Variants in INTS9 observed in about 807,000 individuals in gnomAD.
INTS9 encodes the protein protein related to CPSF subunits of 74 kDa.
INTS9 carries 55 observed loss-of-function variants against 79.7 expected under a neutral mutation model. That is an observed-to-expected ratio of 0.69 (90% CI 0.56 to 0.86). INTS9 has a LOEUF of 0.86. Among genes scored for constraint, INTS9 ranks in the 40% least tolerant of loss-of-function variants. The probability of loss-of-function intolerance (pLI) is 0.00; values close to 1 mark genes in which losing one functional copy is unlikely to be tolerated. For missense variants in INTS9, 721 were observed against 831.5 expected, an observed-to-expected ratio of 0.87 and a Z score of 1.64; for synonymous variants, 319 against 325.2, an observed-to-expected ratio of 0.98 and a Z score of 0.20.
intron 6 of INTS9, among the ~76,000 whole-genome samples, chr8:28,832,382 A>G (rs1448549442): frequency 1.3e-5 from 2 of 152,222 alleles, no homozygotes; most frequent in African/African-American, 4.8e-5. Context: ...CACACCATAC[A>G]TCCCCAAACA....
rs538756973 is a variant in INTS9 at position 28,866,492 on chromosome 8, C to T, written c.10-6929G>A. ...CACTGGCCCAAGCTCCTTGCAGAGA[C>T]GAGCTTCCTTACAGACCCCAGGGGC... is the stretch of plus-strand genomic sequence containing the variant. On this transcript the variant is annotated intron_variant, in intron 1 of 16. Coordinates refer to ENST00000521022, the MANE Select transcript of INTS9 (RefSeq NM_018250.4). Among the ~76,000 whole-genome samples the T allele has an allele frequency of 2.0e-3, 309 of 152,274 alleles. 3 individuals are homozygous for T. Among genetic ancestry groups the T allele is most frequent in the African/African-American group, 7.0e-3 (291 of 41,552 alleles).
At chr8:28,772,783 G>A (rs1802622938) in intron 14 of INTS9, among the ~76,000 whole-genome samples, 1 of 151,732 alleles carries the variant, frequency 6.6e-6, no homozygotes, top group Admixed American at 6.6e-5. Context: ...CTTCAGCCTG[G>A]GCAACACAGC....
intron 1 of INTS9, among the ~76,000 whole-genome samples, chr8:28,881,353 G>A (rs1489732316): frequency 2.4e-5 from 3 of 126,392 alleles, no homozygotes; most frequent in East Asian, 2.5e-4. Flanking sequence ...GGTGAGGGGC[G>A]CCTCTGCCCG....
In INTS9 at chr8:28,767,940, C is replaced by T. The variant is rs1454927992; in HGVS notation, c.*206G>A. ...GAGCCAGAGTTGAGAAGAAAATGAG[C>T]CTGAAGTTGAAAGGGAAAGTTCTTG... On this transcript the variant is annotated 3_prime_UTR_variant, in exon 17 of 17. Coordinates refer to ENST00000521022, the MANE Select transcript of INTS9 (RefSeq NM_018250.4). 2.3e-5 allele frequency: 13 copies of T among 575,428 alleles called. No homozygotes were observed. In the East Asian group the frequency reaches 3.6e-4, roughly 16 times the overall value. The allele number at this position is 575,428 out of a possible 1,614,324, so 35.6% of individuals were successfully genotyped here.
intron 4 of INTS9, among the ~76,000 whole-genome samples, chr8:28,845,578 T>C (rs1308196585): frequency 6.6e-6 from 1 of 152,152 alleles, no homozygotes; most frequent in Non-Finnish European, 1.5e-5. Context: ...TACAGTGGTG[T>C]CCATAAATGG....
intron 10 of INTS9, among the ~76,000 whole-genome samples, chr8:28,788,397 G>C (rs1349837056): frequency 6.6e-6 from 1 of 152,174 alleles, no homozygotes; most frequent in Non-Finnish European, 1.5e-5. Flanking sequence ...TCTACACCTT[G>C]AGACATGGCT....
chr8:28,820,588 T>A (rs1805774639), intron 6 of INTS9, among the ~76,000 whole-genome samples: 1 of 152,220 alleles, frequency 6.6e-6, no homozygotes, highest in South Asian at 2.1e-4. Flanking sequence ...ATTTGAACTT[T>A]GGTGAATCTG....
intron 16 of INTS9, 119 bp downstream of exon 16, chr8:28,769,770 G>T: frequency 7.5e-7 from 1 of 1,324,992 alleles, no homozygotes. Context: ...AGATGCCACA[G>T]GACAGTGGGG....
rs1185167216 is a variant in INTS9 at position 28,768,174 on chromosome 8, A to G, written c.1949T>C (p.Leu650Pro). The G allele has an allele frequency of 3.1e-6, 5 of 1,614,054 alleles. No homozygotes were observed. The African/African-American group carries it at 4.0e-5, about 13-fold the overall frequency. The change falls in exon 17 of 17, where the codon CTT becomes CCT. Residue 650 changes from leucine (L) to proline (P), a missense_variant. Physicochemically the swap from Leu to Pro is moderately conservative, Grantham distance 98 (BLOSUM62 -3). This residue lies in a region of INTS9 where 281 missense variants were observed against 300.8 expected (regional missense o/e 0.93). Coordinates refer to ENST00000521022, the MANE Select transcript of INTS9 (RefSeq NM_018250.4). ...GAACTTCTGTAAGAATTTGAGGACA[A>G]GGTCCCGCAGTCGCACTCTGAGCAT... ...DEMLRVRLRD[L>P]VLKFLQKF
At chr8:28,779,512 C>G (rs1258048758) in intron 12 of INTS9, among the ~76,000 whole-genome samples, 1 of 152,142 alleles carries the variant, frequency 6.6e-6, no homozygotes, top group East Asian at 1.9e-4. Flanking sequence ...ACAGAACTTT[C>G]CTGACCACAG....
intron 10 of INTS9, among the ~76,000 whole-genome samples, chr8:28,792,367 A>T (rs758515459): frequency 5.9e-5 from 9 of 152,154 alleles, no homozygotes; most frequent in Non-Finnish European, 8.8e-5. Context: ...AAACTGAAAG[A>T]AAGTATGTTT....
chr8:28,883,063 C>CGG (rs1334449395), intron 1 of INTS9, among the ~76,000 whole-genome samples: 2 of 152,202 alleles, frequency 1.3e-5, no homozygotes, highest in Non-Finnish European at 2.9e-5. Flanking sequence ...GCACGTACCC[C>CGG]TTTCTTAGCC....
At chr8:28,849,358 G>A (rs1807698738) in intron 3 of INTS9, among the ~76,000 whole-genome samples, 1 of 152,110 alleles carries the variant, frequency 6.6e-6, no homozygotes. Context: ...TCCGAGGAAG[G>A]AATTACTGAG....
intron 1 of INTS9, 160 bp downstream of exon 1, chr8:28,889,714 T>A (rs1475890976): frequency 2.8e-6 from 2 of 717,054 alleles, no homozygotes; most frequent in East Asian, 5.8e-5. Context: ...AATTCAAACC[T>A]TCTCAACAAC....
At position 28,868,212 on chromosome 8, in the gene INTS9, T is replaced by C. The variant is rs184563293; in HGVS notation, c.10-8649A>G. Among the ~76,000 whole-genome samples, 6 of 152,350 alleles carry C rather than the reference T, an allele frequency of 3.9e-5. No homozygotes were observed. In the East Asian group the frequency reaches 1.2e-3, roughly 29 times the overall value. On this transcript the variant is annotated intron_variant, in intron 1 of 16. Coordinates refer to ENST00000521022, the MANE Select transcript of INTS9 (RefSeq NM_018250.4). ...AGGATTAGTTAGCTGACTGATGCAA[T>C]AAAGGTCCCAAGTAAATTAAATTAT...
At chr8:28,869,936 A>T (rs1808976747) in intron 1 of INTS9, among the ~76,000 whole-genome samples, 1 of 151,980 alleles carries the variant, frequency 6.6e-6, no homozygotes, top group Non-Finnish European at 1.5e-5. Context: ...CATGAAAATG[A>T]GACAAGCAGC....
intron 11 of INTS9, among the ~76,000 whole-genome samples, chr8:28,786,998 T>A (rs1161766318): frequency 6.6e-6 from 1 of 152,196 alleles, no homozygotes; most frequent in African/African-American, 2.4e-5. Flanking sequence ...ATTACAGGCG[T>A]GAGCCACCGA....
At position 28,828,489 on chromosome 8, in the gene INTS9, C is replaced by G. The variant is rs1345600081; in HGVS notation, c.488+6803G>C. ...TCCTATTAAGTTGTTAATATCACTTCTATTTTATGAAGGAGGAAACAGAGC... is the reference window on the plus strand; with the variant it reads ...TCCTATTAAGTTGTTAATATCACTTGTATTTTATGAAGGAGGAAACAGAGC... On this transcript the variant is annotated intron_variant, in intron 6 of 16. Coordinates refer to ENST00000521022, the MANE Select transcript of INTS9 (RefSeq NM_018250.4). Among the ~76,000 whole-genome samples, 4 of 152,140 alleles carry G rather than the reference C, an allele frequency of 2.6e-5. No individual in the cohort carries two copies. The South Asian group carries it at 6.2e-4, about 24-fold the overall frequency.
Position 28,835,378 on chromosome 8 carries a change from C to A in INTS9, c.402G>T (p.Arg134Ser), listed in dbSNP as rs1806750651. The A allele has an allele frequency of 1.9e-5, 30 of 1,612,192 alleles. No homozygotes were observed. Among genetic ancestry groups the A allele is most frequent in the Non-Finnish European group, 2.5e-5 (29 of 1,178,764 alleles). ...AATTCACCAGCTCTTCCATGAGAAG[C>A]CTGAGTTTAAACAAAACAAGTGAGG... ...YATEPTVQIG[R>S]LLMEELVNFI... Residue 134 changes from arginine to serine, a missense_variant and splice_region_variant, in exon 6 of 17, where the codon AGG becomes AGT. Arg to Ser is a moderately radical substitution (Grantham distance 110, BLOSUM62 -1). Coordinates refer to ENST00000521022, the MANE Select transcript of INTS9 (RefSeq NM_018250.4).
Sources: gnomAD v4.1 joint callset for allele counts (sites outside exome capture counted in the v4.1 genomes callset) on GRCh38, gnomAD v4.1.1 for gene constraint, gnomAD v4.1.1 regional missense constraint, MANE v1.5 for transcripts, NCBI Gene and HGNC (gene_info 2026-07-23, HGNC 2026-07-21) for gene names.